Variants in RTKN2 observed in about 807,000 individuals in gnomAD.
RTKN2 encodes the protein rhotekin 2.
Under a neutral mutation model 71.5 loss-of-function variants are expected in RTKN2, and 69 were observed. That is an observed-to-expected ratio of 0.96 (90% CI 0.79 to 1.18). The LOEUF is 1.18. Among genes scored for constraint, RTKN2 ranks in the 50% most tolerant of loss-of-function variants. The pLI is 0.00. For missense variants in RTKN2, 724 were observed against 719.7 expected, an observed-to-expected ratio of 1.01 and a Z score of -0.07; for synonymous variants, 236 against 236.5, an observed-to-expected ratio of 1.00 and a Z score of 0.02.
At chr10:62,244,323 T>A (rs550310478) in intron 3 of RTKN2, among the ~76,000 whole-genome samples, 1 of 152,332 alleles carries the variant, frequency 6.6e-6, no homozygotes, top group South Asian at 2.1e-4. Context: ...TTTAAAATTA[T>A]CTTTTGGAAA....
intron 2 of RTKN2, among the ~76,000 whole-genome samples, chr10:62,254,911 GC>G (rs1374873252): frequency 4.6e-5 from 7 of 152,124 alleles, no homozygotes; most frequent in African/African-American, 1.7e-4. Flanking sequence ...TGAGGCTACG[GC>G]AAGCTATCAT....
chr10:62,260,612 A>G (rs1405550062), intron 2 of RTKN2, among the ~76,000 whole-genome samples: 1 of 152,190 alleles, frequency 6.6e-6, no homozygotes, highest in Non-Finnish European at 1.5e-5. Flanking sequence ...ACTGAAAATC[A>G]TACACATTTC....
chr10:62,223,233 C>T lies in RTKN2; in HGVS notation c.781+5G>A. 3.3e-6 allele frequency: 5 copies of T among 1,526,490 alleles called. No homozygotes were observed. The highest frequency in any genetic ancestry group is 4.5e-6 in the Non-Finnish European group (5 of 1,100,846). The allele number at this position is 1,526,490 out of a possible 1,614,324, so 94.6% of individuals were successfully genotyped here. A position where few individuals can be genotyped will look rare whatever the true frequency, so the allele number is the denominator to read the frequency against. On this transcript the variant is annotated splice_donor_5th_base_variant and intron_variant, in intron 7 of 11. Transcript: ENST00000373789. Reference sequence around the variant, plus strand: ...TGTAATAAGTAAAATATATACTGTACTTACCATTTCCATTAATAGACAGAT... The same window carrying T: ...TGTAATAAGTAAAATATATACTGTATTTACCATTTCCATTAATAGACAGAT...
At chr10:62,244,123 G>T (rs1842433812) in intron 3 of RTKN2, among the ~76,000 whole-genome samples, 2 of 152,092 alleles carry the variant, frequency 1.3e-5, no homozygotes, top group Admixed American at 6.5e-5. Context: ...ATGACACTTT[G>T]TTGCAAATAT....
chr10:62,199,803 T>C lies in RTKN2; in HGVS notation c.1245A>G (p.Lys415=), dbSNP rs1441723934. 1.2e-6 allele frequency: 2 copies of C among 1,613,752 alleles called. No homozygotes were observed. The highest frequency in any genetic ancestry group is 8.5e-7 in the Non-Finnish European group (1 of 1,179,758). ...CCTCTTTTGTCAAGAACAAAGGTGG[T>C]TTCCGTGGTGACATAATCTCAATTT... ...LMKIEIMSPR[K]PPLFLTKEAT... Residue 415 remains lysine, a synonymous_variant, in exon 11 of 12, where the codon AAA becomes AAG. Coordinates refer to ENST00000373789, the MANE Select transcript of RTKN2 (RefSeq NM_145307.4).
At chr10:62,185,028 A>T (rs753893640) in intron 8 of RTKN2, among the ~76,000 whole-genome samples, 8 of 151,722 alleles carry the variant, frequency 5.3e-5, no homozygotes, top group Non-Finnish European at 1.2e-4. Context: ...ACCATCCCCA[A>T]CTCCCAGGAA....
At chr10:62,227,912 A>T (rs913730614) in intron 6 of RTKN2, among the ~76,000 whole-genome samples, 1 of 152,328 alleles carries the variant, frequency 6.6e-6, no homozygotes, top group South Asian at 2.1e-4. Context: ...GACATCTCCA[A>T]GGCTTCTGGT....
chr10:62,240,243 G>A (rs1331435533), intron 4 of RTKN2, among the ~76,000 whole-genome samples: 8 of 88,018 alleles, frequency 9.1e-5, no homozygotes, highest in African/African-American at 1.4e-4. Context: ...CAGCAAGGGA[G>A]GAAACCACAA....
chr10:62,256,003 T>C (rs1374805717), intron 2 of RTKN2, among the ~76,000 whole-genome samples: 2 of 149,332 alleles, frequency 1.3e-5, no homozygotes, highest in East Asian at 4.0e-4. Flanking sequence ...TTAAAGGCTA[T>C]ATTTTTAAAA....
chr10:62,264,774 GA>G (rs1245214630), intron 1 of RTKN2, among the ~76,000 whole-genome samples: 2 of 152,024 alleles, frequency 1.3e-5, no homozygotes, highest in African/African-American at 4.8e-5. Context: ...GGGCCTTATA[GA>G]AGTACCTAAA....
At chr10:62,227,020 T>C (rs894730987) in intron 6 of RTKN2, among the ~76,000 whole-genome samples, 2 of 152,104 alleles carry the variant, frequency 1.3e-5, no homozygotes, top group Non-Finnish European at 1.5e-5. Context: ...CCACTTAAAA[T>C]AATGGGAAGT....
At chr10:62,268,506 C>G (rs111430903) in intron 1 of RTKN2, 45 bp downstream of exon 1, 186 of 1,532,876 alleles carry the variant, frequency 1.2e-4, no homozygotes, top group Non-Finnish European at 1.6e-4. Context: ...GGAACAGAAC[C>G]CCGGCTCCCT....
chr10:62,193,241 A>C lies in RTKN2; in HGVS notation c.*4667T>G, dbSNP rs917023106. On this transcript the variant is annotated 3_prime_UTR_variant, in exon 12 of 12. Coordinates refer to ENST00000373789, the MANE Select transcript of RTKN2 (RefSeq NM_145307.4). ...ATTTTGATATCTTGAACCATCTGAC[A>C]TAATTATGTATATACAAGATCTTTT... 17 of 932,516 alleles carry C rather than the reference A, an allele frequency of 1.8e-5. No individual in the cohort carries two copies. The highest frequency in any genetic ancestry group is 2.2e-5 in the Non-Finnish European group (17 of 781,908). 57.8% of individuals were successfully genotyped at this position (932,516 alleles called of 1,614,324 possible). A position where few individuals can be genotyped will look rare whatever the true frequency, so the allele number is the denominator to read the frequency against.
chr10:62,228,084 C>A (rs142113966), intron 6 of RTKN2, among the ~76,000 whole-genome samples: 11 of 151,870 alleles, frequency 7.2e-5, no homozygotes, highest in African/African-American at 2.4e-4. Context: ...TGCATCCAGG[C>A]AACTGGATAT....
intron 5 of RTKN2, among the ~76,000 whole-genome samples, chr10:62,237,688 G>A (rs1388376480): frequency 6.6e-6 from 1 of 151,638 alleles, no homozygotes; most frequent in African/African-American, 2.4e-5. Context: ...ACTCGTCACT[G>A]TGTCCCCTGA....
intron 3 of RTKN2, among the ~76,000 whole-genome samples, chr10:62,243,415 C>G (rs944860463): frequency 6.6e-6 from 1 of 151,992 alleles, no homozygotes; most frequent in African/African-American, 2.4e-5. Flanking sequence ...GCTGCTGACT[C>G]ATTTCATTTC....
intron 6 of RTKN2, among the ~76,000 whole-genome samples, chr10:62,226,710 T>C (rs933255698): frequency 2.0e-5 from 3 of 152,256 alleles, no homozygotes; most frequent in Admixed American, 2.0e-4. Flanking sequence ...AACAAGTTTC[T>C]ACAGTGCCTT....
intron 9 of RTKN2, among the ~76,000 whole-genome samples, chr10:62,210,931 T>C (rs1841646823): frequency 1.3e-5 from 2 of 152,256 alleles, no homozygotes; most frequent in South Asian, 4.1e-4. Flanking sequence ...TCATAATAAT[T>C]TTGCTTTCTA....
intron 9 of RTKN2, among the ~76,000 whole-genome samples, chr10:62,211,806 A>G (rs1589343169): frequency 6.6e-6 from 1 of 152,160 alleles, no homozygotes; most frequent in East Asian, 1.9e-4. Context: ...CTGGGACTAC[A>G]GGCGTGTGCC....
Sources: allele counts gnomAD v4.1 joint callset (sites outside exome capture counted in the v4.1 genomes callset), GRCh38; gene constraint gnomAD v4.1.1; transcripts MANE v1.5; gene names NCBI Gene and HGNC (gene_info 2026-07-23, HGNC 2026-07-21).